The following ASAP1 variants were observed in gnomAD, a reference collection of about 807,000 sequenced individuals.
The protein encoded by ASAP1 is arf-GAP with SH3 domain, ANK repeat and PH domain-containing protein 1.
ASAP1 carries 43 observed loss-of-function variants against 145.2 expected under a neutral mutation model. That is an observed-to-expected ratio of 0.30 (90% CI 0.23 to 0.38). ASAP1 has a LOEUF of 0.38. Among genes scored for constraint, ASAP1 ranks in the 10% least tolerant of loss-of-function variants. The pLI, the probability that ASAP1 is intolerant of heterozygous loss-of-function variation, is 1.00. For synonymous variants in ASAP1, 546 were observed against 515.5 expected, an observed-to-expected ratio of 1.06 and a Z score of -0.80; for missense variants, 1,018 against 1,355.3, an observed-to-expected ratio of 0.75 and a Z score of 3.91.
chr8:130,076,533 T>A (rs1028836730), intron 26 of ASAP1, 127 bp from the exon 27 acceptor site: 2 of 726,210 alleles, frequency 2.8e-6, no homozygotes, highest in Admixed American at 3.0e-5. Context: ...AAATTTCCTT[T>A]TTTTTTGAGA....
At chr8:130,352,262 G>A (rs181171936) in intron 3 of ASAP1, among the ~76,000 whole-genome samples, 20 of 148,008 alleles carry the variant, frequency 1.4e-4, no homozygotes, top group African/African-American at 4.8e-4. Context: ...GTAATTAATG[G>A]GCTCCTTAAG....
At chr8:130,156,536 T>C (rs906442428) in intron 12 of ASAP1, among the ~76,000 whole-genome samples, 1 of 152,182 alleles carries the variant, frequency 6.6e-6, no homozygotes, top group African/African-American at 2.4e-5. Context: ...GTGTGTGGAA[T>C]GAGTACATGA....
intron 3 of ASAP1, among the ~76,000 whole-genome samples, chr8:130,249,941 A>G (rs1304173337): frequency 6.6e-6 from 1 of 152,138 alleles, no homozygotes. Context: ...ATTTCTGAAA[A>G]TCACGTATTT....
At chr8:130,146,647 C>G (rs543173466) in intron 13 of ASAP1, among the ~76,000 whole-genome samples, 1 of 152,310 alleles carries the variant, frequency 6.6e-6, no homozygotes, top group East Asian at 1.9e-4. Context: ...TTTTGCAGGT[C>G]TCTTCCTGTT....
intron 15 of ASAP1, among the ~76,000 whole-genome samples, chr8:130,133,182 T>C (rs1478143618): frequency 6.6e-6 from 1 of 152,092 alleles, no homozygotes; most frequent in Non-Finnish European, 1.5e-5. Flanking sequence ...ATTGCCCATT[T>C]TAACAAAAAC....
intron 4 of ASAP1, among the ~76,000 whole-genome samples, chr8:130,224,135 G>T (rs544606292): frequency 5.9e-5 from 9 of 152,232 alleles, no homozygotes; most frequent in African/African-American, 2.2e-4. Flanking sequence ...CATAGTGAAT[G>T]CTCAGTAAAA....
chr8:130,357,720 C>CATG (rs1291219979), intron 3 of ASAP1, among the ~76,000 whole-genome samples: 2 of 152,230 alleles, frequency 1.3e-5, no homozygotes, highest in African/African-American at 4.8e-5. Flanking sequence ...TGTGGAAGCG[C>CATG]CGAACAGTGC....
intron 27 of ASAP1, among the ~76,000 whole-genome samples, chr8:130,070,769 G>A (rs969085057): frequency 6.9e-6 from 1 of 144,894 alleles, no homozygotes; most frequent in Non-Finnish European, 1.5e-5. Context: ...GGTTTATAGA[G>A]GATCATGCTA....
At chr8:130,272,295 A>T (rs1346236403) in intron 3 of ASAP1, among the ~76,000 whole-genome samples, 1 of 152,218 alleles carries the variant, frequency 6.6e-6, no homozygotes, top group Non-Finnish European at 1.5e-5. Context: ...ATATCATCTT[A>T]TCCCAGTTAG....
chr8:130,200,289 A>G (rs1245747853), intron 5 of ASAP1, among the ~76,000 whole-genome samples: 1 of 152,230 alleles, frequency 6.6e-6, no homozygotes, highest in Non-Finnish European at 1.5e-5. Flanking sequence ...TATAGTGCAA[A>G]TATAAGATGG....
chr8:130,277,226 G>A (rs1040889646), intron 3 of ASAP1, among the ~76,000 whole-genome samples: 8 of 152,140 alleles, frequency 5.3e-5, no homozygotes, highest in African/African-American at 1.9e-4. Context: ...CAGCGTCAGC[G>A]AGAAAGGGGA....
At chr8:130,427,875 A>C (rs922608527) in intron 1 of ASAP1, 1 of 152,266 alleles carries the variant, frequency 6.6e-6, no homozygotes, top group Non-Finnish European at 1.5e-5. Context: ...TTTCTAAAGC[A>C]CAACTCACAA....
At chr8:130,395,304 G>A (rs917018801) in intron 2 of ASAP1, among the ~76,000 whole-genome samples, 2 of 152,168 alleles carry the variant, frequency 1.3e-5, no homozygotes, top group African/African-American at 4.8e-5. Context: ...ACGTCCTCTT[G>A]CAAAAAGTGG....
At chr8:130,216,876 A>G (rs1028585420) in intron 4 of ASAP1, among the ~76,000 whole-genome samples, 1 of 152,174 alleles carries the variant, frequency 6.6e-6, no homozygotes, top group Non-Finnish European at 1.5e-5. Context: ...AATGGCAAAT[A>G]CACTCTGCTT....
At chr8:130,101,813 T>C (rs1027252095) in intron 24 of ASAP1, among the ~76,000 whole-genome samples, 1 of 142,282 alleles carries the variant, frequency 7.0e-6, no homozygotes, top group African/African-American at 2.6e-5. Context: ...GCTCAAGCAA[T>C]GCACCCACCT....
intron 1 of ASAP1, among the ~76,000 whole-genome samples, chr8:130,430,338 A>C (rs1830094596): frequency 6.6e-6 from 1 of 152,232 alleles, no homozygotes; most frequent in African/African-American, 2.4e-5. Flanking sequence ...CGTATGTGTT[A>C]GGATGGCACT....
chr8:130,388,473 A>G (rs1384967645), intron 2 of ASAP1, among the ~76,000 whole-genome samples: 1 of 152,230 alleles, frequency 6.6e-6, no homozygotes, highest in Non-Finnish European at 1.5e-5. Context: ...TTAATTAGGC[A>G]TTTCAGATCA....
chr8:130,426,492 C>A (rs1829923303), intron 1 of ASAP1, among the ~76,000 whole-genome samples: 2 of 152,092 alleles, frequency 1.3e-5, no homozygotes, highest in South Asian at 4.1e-4. Flanking sequence ...TCATTCAGAG[C>A]AAAAGCTAAA....
chr8:130,351,410 T>TA (rs1825984519), intron 3 of ASAP1, among the ~76,000 whole-genome samples: 1 of 152,194 alleles, frequency 6.6e-6, no homozygotes, highest in Admixed American at 6.5e-5. Context: ...ATGATAGGTG[T>TA]AAAAAATGTT....
Sources: gnomAD v4.1 joint callset for allele counts (sites outside exome capture counted in the v4.1 genomes callset) on GRCh38, gnomAD v4.1.1 for gene constraint, MANE v1.5 for transcripts, NCBI Gene and HGNC (gene_info 2026-07-23, HGNC 2026-07-21) for gene names.